Variants in GABRB1 observed in about 807,000 individuals in gnomAD.
The protein encoded by GABRB1 is gamma-aminobutyric acid receptor subunit beta-1.
In GABRB1, 17 loss-of-function variants were observed where a neutral mutation model predicts 51.6. The observed-to-expected ratio is 0.33, with a 90% CI of 0.23 to 0.49. GABRB1 has a LOEUF of 0.49. Among genes scored for constraint, GABRB1 ranks in the 20% least tolerant of loss-of-function variants. The probability of loss-of-function intolerance (pLI) is 0.99; values close to 1 mark genes in which losing one functional copy is unlikely to be tolerated. For synonymous variants in GABRB1, 247 were observed against 218.9 expected, an observed-to-expected ratio of 1.13 and a Z score of -1.14; for missense variants, 410 against 600.6, an observed-to-expected ratio of 0.68 and a Z score of 3.32.
intron 3 of GABRB1, among the ~76,000 whole-genome samples, chr4:47,102,900 A>G (rs542387810): frequency 6.6e-6 from 1 of 152,176 alleles, no homozygotes; most frequent in South Asian, 2.1e-4. Context: ...AATCACATAA[A>G]TGGTGGAGAG....
chr4:47,101,931 A>T (rs1223598772), intron 3 of GABRB1, among the ~76,000 whole-genome samples: 1 of 151,990 alleles, frequency 6.6e-6, no homozygotes, highest in African/African-American at 2.4e-5. Flanking sequence ...CTTTTTACAA[A>T]AGCGCCTCCT....
chr4:47,082,315 TA>T (rs555594465), intron 3 of GABRB1, among the ~76,000 whole-genome samples: 1 of 151,970 alleles, frequency 6.6e-6, no homozygotes, highest in Non-Finnish European at 1.5e-5. Context: ...ATGAATTCCA[TA>T]AAAAAGATGC....
chr4:47,057,290 T>C (rs1726654884), intron 3 of GABRB1, among the ~76,000 whole-genome samples: 1 of 152,210 alleles, frequency 6.6e-6, no homozygotes, highest in South Asian at 2.1e-4. Context: ...TTTAATAATC[T>C]TGGCACACAA....
intron 3 of GABRB1, among the ~76,000 whole-genome samples, chr4:47,059,911 C>A (rs967874950): frequency 3.9e-5 from 6 of 152,282 alleles, no homozygotes; most frequent in Admixed American, 1.3e-4. Context: ...ACACAGTATT[C>A]CAAAACTGGA....
At chr4:47,230,813 GA>G (rs1186336476) in intron 4 of GABRB1, among the ~76,000 whole-genome samples, 1 of 152,148 alleles carries the variant, frequency 6.6e-6, no homozygotes, top group Non-Finnish European at 1.5e-5. Flanking sequence ...TTTGGGTTAT[GA>G]GGATTTGATA....
intron 3 of GABRB1, among the ~76,000 whole-genome samples, chr4:47,054,357 T>G (rs1451172371): frequency 6.6e-6 from 1 of 152,196 alleles, no homozygotes; most frequent in Non-Finnish European, 1.5e-5. Context: ...GCTATACTGG[T>G]GCTTGCCACG....
At chr4:47,235,574 G>A (rs540271657) in intron 4 of GABRB1, among the ~76,000 whole-genome samples, 2 of 150,050 alleles carry the variant, frequency 1.3e-5, no homozygotes, top group African/African-American at 2.4e-5. Flanking sequence ...AAAAAAACTA[G>A]GTTCATAGCA....
At chr4:47,189,095 A>G (rs1719319804) in intron 4 of GABRB1, among the ~76,000 whole-genome samples, 1 of 151,996 alleles carries the variant, frequency 6.6e-6, no homozygotes, top group African/African-American at 2.4e-5. Flanking sequence ...TAGGTCTTCC[A>G]AGGAAGATTA....
intron 1 of GABRB1, among the ~76,000 whole-genome samples, chr4:46,999,316 T>C (rs1396118896): frequency 1.3e-5 from 2 of 152,196 alleles, no homozygotes; most frequent in African/African-American, 2.4e-5. Context: ...TAGAACCACT[T>C]TGGAAAGCAG....
At chr4:47,151,805 AT>A (rs985785847) in intron 3 of GABRB1, among the ~76,000 whole-genome samples, 1 of 151,896 alleles carries the variant, frequency 6.6e-6, no homozygotes, top group Non-Finnish European at 1.5e-5. Context: ...AATCAATTTA[AT>A]TTTTTTGTTT....
chr4:47,296,179 G>T (rs1723986102), intron 4 of GABRB1, among the ~76,000 whole-genome samples: 2 of 152,108 alleles, frequency 1.3e-5, no homozygotes, highest in African/African-American at 4.8e-5. Flanking sequence ...GACCATCGAG[G>T]CTAGGAAGAA....
At chr4:47,409,074 C>A (rs140098942) in intron 8 of GABRB1, among the ~76,000 whole-genome samples, 182 of 152,292 alleles carry the variant, frequency 1.2e-3, no homozygotes, top group African/African-American at 3.9e-3. Flanking sequence ...TGCACTCAAA[C>A]CTTATGGGAG....
At position 47,032,424 on chromosome 4, in the gene GABRB1, C is replaced by T. The variant is rs546592196; in HGVS notation, c.180C>T (p.Pro60=). 6.3e-7 allele frequency: 1 copy of T among 1,588,314 alleles called. No homozygotes were observed. Among genetic ancestry groups the T allele is most frequent in the East Asian group, 2.2e-5 (1 of 44,458 alleles). Residue 60 remains proline (P), a synonymous_variant, in exon 3 of 9, where the codon CCC becomes CCT. Coordinates refer to ENST00000295454, the MANE Select transcript of GABRB1 (RefSeq NM_000812.4). Reference sequence around the variant, plus strand: ...GGCCCACCTCCCCGGCAGGGCCCCCCGTCGACGTTGGGATGCGGATCGATG... The same window carrying T: ...GGCCCACCTCCCCGGCAGGGCCCCCTGTCGACGTTGGGATGCGGATCGATG... The part of the protein sequence containing the change: ...IRLRPDFGGP[P]VDVGMRIDVA...
chr4:47,270,007 A>G (rs1722800159), intron 4 of GABRB1, among the ~76,000 whole-genome samples: 1 of 150,610 alleles, frequency 6.6e-6, no homozygotes, highest in Non-Finnish European at 1.5e-5. Context: ...AAAGAAGTCC[A>G]ACAAATTCCA....
intron 3 of GABRB1, among the ~76,000 whole-genome samples, chr4:47,054,588 A>AT (rs398107275): frequency 0.5 from 74,011 of 149,030 alleles, 18,287 homozygotes; most frequent in East Asian, 0.53. Flanking sequence ...TATGGGCAAC[A>AT]TTTTTTTTTT....
intron 3 of GABRB1, among the ~76,000 whole-genome samples, chr4:47,073,205 C>T (rs1727411851): frequency 6.6e-6 from 1 of 152,098 alleles, no homozygotes; most frequent in South Asian, 2.1e-4. Flanking sequence ...AATGACGTTG[C>T]TGGAAAGAAG....
intron 4 of GABRB1, among the ~76,000 whole-genome samples, chr4:47,310,296 T>C (rs752878277): frequency 1.3e-5 from 2 of 152,188 alleles, no homozygotes; most frequent in African/African-American, 2.4e-5. Flanking sequence ...CTTGAGACCT[T>C]ACAGTATTAA....
chr4:47,285,869 T>C (rs1387883671), intron 4 of GABRB1, among the ~76,000 whole-genome samples: 1 of 152,244 alleles, frequency 6.6e-6, no homozygotes, highest in African/African-American at 2.4e-5. Context: ...TTGTTTTTTA[T>C]GTATGAATGA....
intron 4 of GABRB1, among the ~76,000 whole-genome samples, chr4:47,313,858 G>A (rs1452901556): frequency 6.6e-6 from 1 of 152,036 alleles, no homozygotes; most frequent in African/African-American, 2.4e-5. Context: ...ATTTGTATTT[G>A]TGTATTAGTG....
Sources: gnomAD v4.1 joint callset for allele counts (sites outside exome capture counted in the v4.1 genomes callset) on GRCh38, gnomAD v4.1.1 for gene constraint, MANE v1.5 for transcripts, NCBI Gene and HGNC (gene_info 2026-07-23, HGNC 2026-07-21) for gene names.